Variants in UBE2E2 observed in about 807,000 individuals in gnomAD.
UBE2E2 encodes the protein ubiquitin conjugating enzyme E2 E2, also known as ubiquitin-conjugating enzyme E2 E2.
Under a neutral mutation model 24.7 loss-of-function variants are expected in UBE2E2, and 6 were observed. That is an observed-to-expected ratio of 0.24 (90% CI 0.13 to 0.48). The LOEUF is 0.48. UBE2E2 is among the 20% of genes least tolerant of loss of function. UBE2E2 has a pLI of 0.99. For synonymous variants in UBE2E2, 104 were observed against 83.6 expected, an observed-to-expected ratio of 1.24 and a Z score of -1.33; for missense variants, 169 against 245.0, an observed-to-expected ratio of 0.69 and a Z score of 2.07.
chr3:23,395,076 G>A (rs56979234), intron 3 of UBE2E2, among the ~76,000 whole-genome samples: 22,557 of 152,130 alleles, frequency 0.15, 1,801 homozygotes, highest in South Asian at 0.22. Context: ...AAGGTGGGAA[G>A]CCCATAAGAA....
At chr3:23,493,906 A>G (rs1471522738) in intron 3 of UBE2E2, among the ~76,000 whole-genome samples, 1 of 152,196 alleles carries the variant, frequency 6.6e-6, no homozygotes, top group Non-Finnish European at 1.5e-5. Flanking sequence ...AGCAACTGAC[A>G]TTTGGAGGGT....
At chr3:23,330,934 T>G (rs974439056) in intron 3 of UBE2E2, among the ~76,000 whole-genome samples, 1 of 152,232 alleles carries the variant, frequency 6.6e-6, no homozygotes, top group Admixed American at 6.5e-5. Context: ...CTTTTATGAT[T>G]CTGTAATACC....
At chr3:23,302,559 T>C (rs1463715751) in intron 3 of UBE2E2, among the ~76,000 whole-genome samples, 1 of 152,226 alleles carries the variant, frequency 6.6e-6, no homozygotes, top group Non-Finnish European at 1.5e-5. Flanking sequence ...TAATGAGTGC[T>C]GAATAGCTTA....
At chr3:23,444,184 A>T (rs1189413812) in intron 3 of UBE2E2, among the ~76,000 whole-genome samples, 2 of 151,050 alleles carry the variant, frequency 1.3e-5, no homozygotes, top group Non-Finnish European at 2.9e-5. Context: ...GGTTGTTGAA[A>T]TATCCCATTT....
chr3:23,366,625 G>A (rs1022059169), intron 3 of UBE2E2, among the ~76,000 whole-genome samples: 2 of 152,138 alleles, frequency 1.3e-5, no homozygotes, highest in African/African-American at 4.8e-5. Context: ...AGGGTGGAGG[G>A]TGGGAGGAGG....
chr3:23,370,778 T>C (rs1696380856), intron 3 of UBE2E2, among the ~76,000 whole-genome samples: 1 of 152,176 alleles, frequency 6.6e-6, no homozygotes, highest in Admixed American at 6.5e-5. Context: ...TGTTGTGTTC[T>C]GTAGATGAAG....
At chr3:23,298,974 T>C (rs945992812) in intron 3 of UBE2E2, among the ~76,000 whole-genome samples, 1 of 152,222 alleles carries the variant, frequency 6.6e-6, no homozygotes, top group Non-Finnish European at 1.5e-5. Context: ...GAGCCTGTTA[T>C]TGGTCTACTC....
intron 3 of UBE2E2, among the ~76,000 whole-genome samples, chr3:23,419,925 A>G (rs1028824183): frequency 6.6e-5 from 10 of 152,134 alleles, no homozygotes; most frequent in African/African-American, 4.8e-5. Context: ...TCTCCCTTCA[A>G]TTAAATTTCA....
chr3:23,450,877 G>A (rs1698548131), intron 3 of UBE2E2, among the ~76,000 whole-genome samples: 1 of 152,072 alleles, frequency 6.6e-6, no homozygotes, highest in Non-Finnish European at 1.5e-5. Context: ...TTATAATATG[G>A]TATTTACAAG....
chr3:23,545,203 A>C (rs1695492052), intron 5 of UBE2E2, among the ~76,000 whole-genome samples: 1 of 152,114 alleles, frequency 6.6e-6, no homozygotes, highest in Admixed American at 6.5e-5. Context: ...TCCTCAGCAC[A>C]GACCCTTTAC....
chr3:23,270,290 C>G (rs1461760554), intron 3 of UBE2E2, among the ~76,000 whole-genome samples: 2 of 151,670 alleles, frequency 1.3e-5, no homozygotes, highest in Non-Finnish European at 2.9e-5. Flanking sequence ...TCCTAGTCTA[C>G]TGTTCTGTGG....
intron 3 of UBE2E2, among the ~76,000 whole-genome samples, chr3:23,354,595 A>G (rs968614806): frequency 6.6e-6 from 1 of 152,234 alleles, no homozygotes; most frequent in Non-Finnish European, 1.5e-5. Context: ...TCTCAAAAGA[A>G]GACATTTATG....
intron 4 of UBE2E2, among the ~76,000 whole-genome samples, chr3:23,513,761 A>G (rs1694663780): frequency 6.6e-6 from 1 of 152,250 alleles, no homozygotes; most frequent in African/African-American, 2.4e-5. Context: ...TATAAATAAA[A>G]GAATATTTAT....
At chr3:23,383,497 T>G (rs1696729241) in intron 3 of UBE2E2, among the ~76,000 whole-genome samples, 1 of 152,002 alleles carries the variant, frequency 6.6e-6, no homozygotes, top group Non-Finnish European at 1.5e-5. Context: ...GTTTAACTGG[T>G]AAGCATTGCA....
intron 5 of UBE2E2, among the ~76,000 whole-genome samples, chr3:23,562,802 G>A (rs1426126271): frequency 1.3e-5 from 2 of 152,296 alleles, no homozygotes; most frequent in East Asian, 3.9e-4. Context: ...TCTTGGGAGG[G>A]TGTAAGTGTC....
chr3:23,214,221 T>G (rs1182852260), intron 2 of UBE2E2, among the ~76,000 whole-genome samples: 1 of 152,122 alleles, frequency 6.6e-6, no homozygotes, highest in Non-Finnish European at 1.5e-5. Flanking sequence ...GAGTTCAAAT[T>G]TTATATAGAA....
At chr3:23,458,004 A>T (rs1698718362) in intron 3 of UBE2E2, among the ~76,000 whole-genome samples, 1 of 152,144 alleles carries the variant, frequency 6.6e-6, no homozygotes, top group African/African-American at 2.4e-5. Flanking sequence ...TCACTGAAGT[A>T]GCACTTTTAA....
intron 3 of UBE2E2, among the ~76,000 whole-genome samples, chr3:23,401,188 C>A (rs538675212): frequency 6.6e-6 from 1 of 152,206 alleles, no homozygotes; most frequent in South Asian, 2.1e-4. Flanking sequence ...ACCCACTTTG[C>A]CCACCAGGTA....
intron 3 of UBE2E2, among the ~76,000 whole-genome samples, chr3:23,391,209 GTTC>G (rs1201727871): frequency 6.6e-6 from 1 of 152,188 alleles, no homozygotes; most frequent in Non-Finnish European, 1.5e-5. Flanking sequence ...CATAGTTGGA[GTTC>G]TTATCTACAT....
Sources: allele counts gnomAD v4.1 joint callset (sites outside exome capture counted in the v4.1 genomes callset), GRCh38; gene constraint gnomAD v4.1.1; transcripts MANE v1.5; gene names NCBI Gene and HGNC (gene_info 2026-07-23, HGNC 2026-07-21).